SUPT3H: variants seen among roughly 807,000 people sequenced by gnomAD.
SUPT3H encodes SPT3 homolog, SAGA and STAGA complex component.
SUPT3H carries 44 observed loss-of-function variants against 44.3 expected under a neutral mutation model. That is an observed-to-expected ratio of 0.99 (90% CI 0.78 to 1.28). SUPT3H has a LOEUF of 1.28. Among genes scored for constraint, SUPT3H ranks in the 50% most tolerant of loss-of-function variants. The pLI is 0.00. For synonymous variants in SUPT3H, 124 were observed against 125.6 expected (o/e 0.99, Z 0.09); for missense variants, 380 against 387.1 (o/e 0.98, Z 0.15).
At chr6:45,337,166 A>T (rs1788739558) in intron 2 of SUPT3H, among the ~76,000 whole-genome samples, 1 of 151,752 alleles carries the variant, frequency 6.6e-6, no homozygotes, top group South Asian at 2.1e-4. Context: ...ATATGAACAG[A>T]ACAACATGCC....
chr6:45,303,822 A>G (rs1032334182), intron 2 of SUPT3H, among the ~76,000 whole-genome samples: 2 of 151,984 alleles, frequency 1.3e-5, no homozygotes, highest in African/African-American at 4.8e-5. Context: ...GTGAAACCTC[A>G]TATCTAATAA....
intron 10 of SUPT3H, among the ~76,000 whole-genome samples, chr6:44,929,738 C>T (rs972927600): frequency 4.6e-5 from 7 of 151,238 alleles, no homozygotes; most frequent in Non-Finnish European, 1.0e-4. Flanking sequence ...ATCAGCATCC[C>T]CAATCATGGT....
chr6:44,965,325 A>G (rs572951864), intron 6 of SUPT3H, among the ~76,000 whole-genome samples: 1 of 152,232 alleles, frequency 6.6e-6, no homozygotes, highest in East Asian at 1.9e-4. Context: ...TGCCTTGTCC[A>G]TTTACCTTGG....
chr6:44,890,676 T>G (rs1016537499), intron 10 of SUPT3H, among the ~76,000 whole-genome samples: 10 of 148,224 alleles, frequency 6.7e-5, no homozygotes, highest in Non-Finnish European at 1.2e-4. Context: ...AGTTAATGGG[T>G]GCAGCACACC....
chr6:45,106,536 TA>T (rs1166265321), intron 2 of SUPT3H, among the ~76,000 whole-genome samples: 1 of 151,914 alleles, frequency 6.6e-6, no homozygotes, highest in East Asian at 1.9e-4. Flanking sequence ...GTACAGTTTT[TA>T]TTTTTTTTAT....
rs573310626 is a variant in SUPT3H, at chr6:45,125,744, A to AT, written c.102-19739dup. On this transcript the variant is annotated intron_variant, in intron 2 of 10. Transcript: ENST00000371459. ...AAACTCTCATTTCTAGCAGTGATTT[A>AT]TTTTTCAGGTAACTGAACACAATAG... 3.3e-5 allele frequency among the ~76,000 whole-genome samples: 5 copies of AT among 151,548 alleles called. No homozygotes were observed. The East Asian group carries it at 7.7e-4, about 23-fold the overall frequency.
intron 10 of SUPT3H, among the ~76,000 whole-genome samples, chr6:44,841,908 C>G (rs1771000858): frequency 6.6e-6 from 1 of 152,174 alleles, no homozygotes; most frequent in African/African-American, 2.4e-5. Context: ...TCCACTAAAT[C>G]TTACTTTCTA....
chr6:45,227,283 TATTAG>T (rs1490640772), intron 2 of SUPT3H, among the ~76,000 whole-genome samples: 1 of 151,946 alleles, frequency 6.6e-6, no homozygotes, highest in Non-Finnish European at 1.5e-5. Context: ...AAATTATTTA[TATTAG>T]ATATCTTTTG....
intron 10 of SUPT3H, among the ~76,000 whole-genome samples, chr6:44,915,255 T>G (rs946292607): frequency 1.3e-5 from 2 of 152,170 alleles, no homozygotes; most frequent in Non-Finnish European, 2.9e-5. Flanking sequence ...CACTTTCAAC[T>G]TAGGTTTGAA....
intron 2 of SUPT3H, among the ~76,000 whole-genome samples, chr6:45,121,525 G>C (rs1801662893): frequency 6.6e-6 from 1 of 151,894 alleles, no homozygotes; most frequent in Non-Finnish European, 1.5e-5. Flanking sequence ...ATGTGGGGGG[G>C]GGGGTGGATT....
intron 2 of SUPT3H, among the ~76,000 whole-genome samples, chr6:45,134,914 C>T (rs2153586287): frequency 6.6e-6 from 1 of 152,278 alleles, no homozygotes; most frequent in Non-Finnish European, 1.5e-5. Flanking sequence ...CAGCTCTACC[C>T]CTACAGCAGG....
At position 44,946,250 on chromosome 6, in the gene SUPT3H, T is replaced by A. The variant is rs541513191; in HGVS notation, c.801+7060A>T. Among the ~76,000 whole-genome samples the A allele has an allele frequency of 9.8e-5, 15 of 152,326 alleles. 1 individual carries two copies. In the East Asian group the frequency reaches 1.7e-3, roughly 18 times the overall value. On this transcript the variant is annotated intron_variant, in intron 9 of 10. Transcript: ENST00000371459. ...GCTCTGCTGGAGAAGTACAAAAAGA[T>A]GAACACTGTCTTCACAATAGCTAAC...
chr6:45,179,106 C>T (rs549369384), intron 2 of SUPT3H, among the ~76,000 whole-genome samples: 4,513 of 152,032 alleles, frequency 0.03, 91 homozygotes, highest in Non-Finnish European at 0.047. Context: ...AACACCTCTA[C>T]GCAAATAAAC....
intron 2 of SUPT3H, among the ~76,000 whole-genome samples, chr6:45,230,582 C>T (rs1241173544): frequency 6.8e-6 from 1 of 147,714 alleles, no homozygotes; most frequent in African/African-American, 2.5e-5. Context: ...CCTTTACTTT[C>T]AGTCTGTATG....
At chr6:45,360,420 G>C (rs16873364) in intron 2 of SUPT3H, among the ~76,000 whole-genome samples, 19,643 of 151,922 alleles carry the variant, frequency 0.13, 1,423 homozygotes, top group East Asian at 0.26. Flanking sequence ...TTACCTTCAG[G>C]GTTTTTCTTT....
chr6:44,891,715 C>G (rs1003361636), intron 10 of SUPT3H, among the ~76,000 whole-genome samples: 1 of 151,548 alleles, frequency 6.6e-6, no homozygotes, highest in Non-Finnish European at 1.5e-5. Flanking sequence ...GTACTGAATT[C>G]CACTGAATGT....
At chr6:45,151,691 G>T (rs1177187314) in intron 2 of SUPT3H, among the ~76,000 whole-genome samples, 1 of 152,152 alleles carries the variant, frequency 6.6e-6, no homozygotes, top group Non-Finnish European at 1.5e-5. Context: ...ATTCATAATT[G>T]TAACTGTTTT....
chr6:44,870,079 TTTCTC>T (rs1776125286), intron 10 of SUPT3H, among the ~76,000 whole-genome samples: 1 of 152,216 alleles, frequency 6.6e-6, no homozygotes, highest in South Asian at 2.1e-4. Flanking sequence ...AATTTCAACA[TTTCTC>T]TTCATTCATC....
intron 2 of SUPT3H, among the ~76,000 whole-genome samples, chr6:45,320,977 AG>A (rs1785400028): frequency 6.6e-6 from 1 of 152,164 alleles, no homozygotes; most frequent in Admixed American, 6.6e-5. Context: ...TATATATTCC[AG>A]AAGCATATAG....
Sources: gnomAD v4.1 joint callset for allele counts (sites outside exome capture counted in the v4.1 genomes callset) on GRCh38, gnomAD v4.1.1 for gene constraint, MANE v1.5 for transcripts, NCBI Gene and HGNC (gene_info 2026-07-23, HGNC 2026-07-21) for gene names.